The following HSPBP1 variants were observed in gnomAD, a reference collection of about 807,000 sequenced individuals.
HSPBP1 encodes hsp70-binding protein 1.
HSPBP1 carries 31 observed loss-of-function variants against 41.7 expected under a neutral mutation model. The observed-to-expected ratio is 0.74, with a 90% CI of 0.56 to 1.00. The LOEUF (loss-of-function observed/expected upper bound fraction) is 1.00, where lower values mean the gene tolerates loss of function less well. Among genes scored for constraint, HSPBP1 ranks in the 50% least tolerant of loss-of-function variants. The pLI, the probability that HSPBP1 is intolerant of heterozygous loss-of-function variation, is 0.00. For missense variants in HSPBP1, 439 were observed against 487.9 expected, an observed-to-expected ratio of 0.90 and a Z score of 0.94; for synonymous variants, 199 against 214.4, an observed-to-expected ratio of 0.93 and a Z score of 0.63.
chr19:55,262,888 G>A (rs895834103), intron 7 of HSPBP1, among the ~76,000 whole-genome samples: 1 of 152,048 alleles, frequency 6.6e-6, no homozygotes, highest in Non-Finnish European at 1.5e-5. Flanking sequence ...ACTAGAACCC[G>A]GGGTCCCCCA....
Position 55,270,937 on chromosome 19 carries a change from C to A in HSPBP1, c.640+3461G>T, listed in dbSNP as rs749071402. 1.3e-5 allele frequency among the ~76,000 whole-genome samples: 2 copies of A among 151,164 alleles called. No individual in the cohort carries two copies. The highest frequency in any genetic ancestry group is 1.3e-4 in the Admixed American group (2 of 15,140). On this transcript the variant is annotated intron_variant, in intron 4 of 7. Coordinates refer to ENST00000433386, the MANE Select transcript of HSPBP1 (RefSeq NM_012267.5). The surrounding 1 kb of genome is among the most constrained non-coding windows in gnomAD (Gnocchi z 5.4). ...CCACACACCACACAACCCATGTACA[C>A]GCTACACTAACACACGACACGCCAA... is the stretch of plus-strand genomic sequence containing the variant.
intron 4 of HSPBP1, among the ~76,000 whole-genome samples, chr19:55,266,529 CCAT>C (rs2087792743): frequency 4.7e-3 from 15 of 3,188 alleles, no homozygotes; most frequent in Non-Finnish European, 8.1e-3. Flanking sequence ...ATCACCACCA[CCAT>C]CATCACCATG....
upstream of HSPBP1, chr19:55,280,202 CTT>C (rs2088195760): frequency 5.7e-6 from 1 of 176,282 alleles, no homozygotes; most frequent in East Asian, 1.9e-4. Context: ...TTGCCCGACT[CTT>C]ATCCCCTTCT....
At position 55,262,298 on chromosome 19, in the gene HSPBP1, G is replaced by A. The variant is rs369167042; in HGVS notation, c.*310C>T. On this transcript the variant is annotated 3_prime_UTR_variant, in exon 8 of 8. Transcript: ENST00000433386. ...CCCTTAAACCCGTGCCCCTCCTCCC[G>A]TCCCCCATGCACCCTCCAAAGGAGA... 6.6e-6 allele frequency: 7 copies of A among 1,066,592 alleles called. No individual in the cohort carries two copies. The highest frequency in any genetic ancestry group is 4.7e-5 in the Admixed American group (1 of 21,494). 66.1% of individuals were successfully genotyped at this position (1,066,592 alleles called of 1,614,324 possible).
chr19:55,262,285 T>C lies in HSPBP1; in HGVS notation c.*323A>G. 1.0e-6 allele frequency: 1 copy of C among 955,442 alleles called. No homozygotes were observed. 59.2% of individuals were successfully genotyped at this position (955,442 alleles called of 1,614,324 possible). A position where few individuals can be genotyped will look rare whatever the true frequency, so the allele number is the denominator to read the frequency against. ...TGGCTCCCCAAGTCCCTTAAACCCGTGCCCCTCCTCCCGTCCCCCATGCAC... is the reference window on the plus strand; with the variant it reads ...TGGCTCCCCAAGTCCCTTAAACCCGCGCCCCTCCTCCCGTCCCCCATGCAC... On this transcript the variant is annotated 3_prime_UTR_variant, in exon 8 of 8. Coordinates refer to ENST00000433386, the MANE Select transcript of HSPBP1 (RefSeq NM_012267.5).
chr19:55,274,218 G>C (rs1039497066), intron 4 of HSPBP1, among the ~76,000 whole-genome samples, 180 bp downstream of exon 4: 2 of 152,234 alleles, frequency 1.3e-5, no homozygotes, highest in African/African-American at 4.8e-5. Context: ...CTAGCAGGGG[G>C]TTTGGCCGAG....
chr19:55,267,309 C>T (rs2087812812), intron 4 of HSPBP1, among the ~76,000 whole-genome samples: 1 of 152,116 alleles, frequency 6.6e-6, no homozygotes, highest in Non-Finnish European at 1.5e-5. Context: ...TGCCACCACA[C>T]CCGGCTAATT....
intron 4 of HSPBP1, among the ~76,000 whole-genome samples, chr19:55,267,485 G>C (rs1336972282): frequency 6.7e-6 from 1 of 148,766 alleles, no homozygotes; most frequent in Non-Finnish European, 1.5e-5. Flanking sequence ...TTTTGAGACA[G>C]AGTCTTGCTC....
At chr19:55,275,130 C>T (rs1331247735) in intron 3 of HSPBP1, among the ~76,000 whole-genome samples, 5 of 152,216 alleles carry the variant, frequency 3.3e-5, no homozygotes, top group African/African-American at 1.2e-4. Context: ...AAGGCTAGTA[C>T]AACTCGATTC....
At position 55,270,454 on chromosome 19, in the gene HSPBP1, C is replaced by G. The variant is rs1054672610; in HGVS notation, c.640+3944G>C. Among the ~76,000 whole-genome samples, 5 of 151,180 alleles carry G rather than the reference C, an allele frequency of 3.3e-5. No individual in the cohort carries two copies. Among genetic ancestry groups the G allele is most frequent in the African/African-American group, 1.2e-4 (5 of 41,206 alleles). On this transcript the variant is annotated intron_variant, in intron 4 of 7. Transcript: ENST00000433386. This position sits in a 1 kb window ranked among gnomAD's most constrained non-coding sequence, Gnocchi z 5.4. ...ACGAGGCCCGGCTGACGGCTGACCA[C>G]AACCTCATGCAACCTCATGCAACCT...
chr19:55,263,431 G>A (rs904262121), intron 7 of HSPBP1, among the ~76,000 whole-genome samples: 1 of 152,118 alleles, frequency 6.6e-6, no homozygotes, highest in African/African-American at 2.4e-5. Flanking sequence ...CTAATGAAAC[G>A]GCCCTTAACC....
chr19:55,263,559 G>A (rs927315829), intron 7 of HSPBP1, among the ~76,000 whole-genome samples: 1 of 152,134 alleles, frequency 6.6e-6, no homozygotes, highest in Non-Finnish European at 1.5e-5. Flanking sequence ...TTGTCATAGC[G>A]AGAGTGTAGA....
At position 55,262,658 on chromosome 19, in the gene HSPBP1, G is replaced by A. The variant is rs777648932; in HGVS notation, c.1030C>T (p.Leu344=). 1.2e-6 allele frequency: 2 copies of A among 1,613,640 alleles called. No individual in the cohort carries two copies. The highest frequency in any genetic ancestry group is 1.3e-5 in the African/African-American group (1 of 74,928). ...GGGCTGGAGAAACAGGTCTGTAGCA[G>A]CTTTTCACAGAACTCCAGCTCCTCC... The part of the protein sequence containing the change: ...YQEELEFCEK[L]LQTCFSSPAD... Residue 344 remains leucine (L), a synonymous_variant, in exon 8 of 8, where the codon CTG becomes TTG. Coordinates refer to ENST00000433386, the MANE Select transcript of HSPBP1 (RefSeq NM_012267.5).
In HSPBP1 at chr19:55,277,723, C is replaced by T. The variant is rs147796402; in HGVS notation, c.334G>A (p.Glu112Lys). 7 of 1,606,306 alleles carry T rather than the reference C, an allele frequency of 4.4e-6. No homozygotes were observed. The highest frequency in any genetic ancestry group is 5.9e-6 in the Non-Finnish European group (7 of 1,177,106). Residue 112 changes from glutamate (E) to lysine (K), a missense_variant, in exon 3 of 8, where the codon GAG becomes AAG. Physicochemically the swap from Glu to Lys is moderately conservative, Grantham distance 56. Coordinates refer to ENST00000433386, the MANE Select transcript of HSPBP1 (RefSeq NM_012267.5). ...CGCTCTTGCTGGTCGGCCGCCTGCTCGGCCTCCCCAGCAGTGGGGGGCATG... is the reference window on the plus strand; with the variant it reads ...CGCTCTTGCTGGTCGGCCGCCTGCTTGGCCTCCCCAGCAGTGGGGGGCATG... ...QPMPPTAGEA[E>K]QAADQQEREG...
rs901769118 is a variant in HSPBP1 at position 55,270,973 on chromosome 19, T to A, written c.640+3425A>T. The stretch of plus-strand genomic sequence containing the variant: ...CACACGACACGCCAAACACCCCACA[T>A]ACACACCATACACACCCTACACACG... On this transcript the variant is annotated intron_variant, in intron 4 of 7. Coordinates refer to ENST00000433386, the MANE Select transcript of HSPBP1 (RefSeq NM_012267.5). This position sits in a 1 kb window ranked among gnomAD's most constrained non-coding sequence, Gnocchi z 5.4. Among the ~76,000 whole-genome samples, 1 of 145,050 alleles carries A rather than the reference T, an allele frequency of 6.9e-6. No homozygotes were observed. The highest frequency in any genetic ancestry group is 1.5e-5 in the Non-Finnish European group (1 of 66,350).
Position 55,274,556 on chromosome 19 carries a change from A to G in HSPBP1, c.482T>C (p.Leu161Pro). ...GRYLEAGAAG[L>P]RWRAAQLIGT... ...GATGAGCTGTGCCGCCCGCCACCGC[A>G]GTCCCGCAGCCCCCGCCTCCAGGTA... The change falls in exon 4 of 8, where the codon CTG becomes CCG. Residue 161 changes from leucine (L) to proline (P), a missense_variant. Transcript: ENST00000433386. 6.2e-7 allele frequency: 1 copy of G among 1,609,116 alleles called. No homozygotes were observed. Among genetic ancestry groups the G allele is most frequent in the South Asian group, 1.1e-5 (1 of 90,976 alleles).
intron 4 of HSPBP1, among the ~76,000 whole-genome samples, 160 bp from the exon 5 acceptor site, chr19:55,266,446 C>CT (rs2087784085): frequency 1.5e-5 from 1 of 66,276 alleles, no homozygotes; most frequent in Non-Finnish European, 3.2e-5. Flanking sequence ...TCACCATTCT[C>CT]ATCCTCACCA....
chr19:55,272,906 C>G lies in HSPBP1; in HGVS notation c.640+1492G>C, dbSNP rs1017207709. On this transcript the variant is annotated intron_variant, in intron 4 of 7. Transcript: ENST00000433386. The surrounding 1 kb of genome is among the most constrained non-coding windows in gnomAD (Gnocchi z 4.2). ...TAGATAGTGACTGCCGATAGCCATA[C>G]CACCCCGAACGCGTCTGATCACATC... Among the ~76,000 whole-genome samples the G allele has an allele frequency of 1.3e-5, 2 of 152,064 alleles. No individual in the cohort carries two copies. Among genetic ancestry groups the G allele is most frequent in the African/African-American group, 4.8e-5 (2 of 41,404 alleles).
upstream of HSPBP1, chr19:55,280,196 C>G (rs190900123): frequency 5.5e-6 from 1 of 182,912 alleles, no homozygotes; most frequent in African/African-American, 2.4e-5. Flanking sequence ...AGCTGCTTGC[C>G]CGACTCTTAT....
Sources: allele counts gnomAD v4.1 joint callset (sites outside exome capture counted in the v4.1 genomes callset), GRCh38; gene constraint gnomAD v4.1.1; non-coding constraint Gnocchi (gnomAD v3.1); transcripts MANE v1.5; gene names NCBI Gene and HGNC (gene_info 2026-07-23, HGNC 2026-07-21).